Variants in EYS observed in about 807,000 individuals in gnomAD.
EYS encodes EGF-like photoreceptor maintenance factor.
A neutral mutation model predicts 282.1 loss-of-function variants in EYS; 250 were observed. The ratio of observed to expected loss-of-function variants is 0.89; its 90% CI spans 0.80 to 0.98. The LOEUF (loss-of-function observed/expected upper bound fraction) is 0.98, where lower values mean the gene tolerates loss of function less well. EYS is among the 50% of genes least tolerant of loss of function. The pLI, the probability that EYS is intolerant of heterozygous loss-of-function variation, is 0.00. For missense variants in EYS, 4,016 were observed against 3,709.0 expected (o/e 1.08, Z -2.15); for synonymous variants, 1,355 against 1,282.9 (o/e 1.06, Z -1.20).
intron 2 of EYS, among the ~76,000 whole-genome samples, chr6:65,608,211 T>C (rs1765869672): frequency 6.6e-6 from 1 of 152,052 alleles, no homozygotes; most frequent in Non-Finnish European, 1.5e-5. Flanking sequence ...AGCCTATTGC[T>C]CCTAGGCTAC....
chr6:63,857,092 G>A (rs1437580966), intron 36 of EYS, among the ~76,000 whole-genome samples: 2 of 152,126 alleles, frequency 1.3e-5, no homozygotes, highest in Non-Finnish European at 2.9e-5. Context: ...TAGTATGGTG[G>A]TTTTATAGTT....
chr6:64,683,709 C>T (rs565266619), intron 22 of EYS, among the ~76,000 whole-genome samples: 1 of 152,218 alleles, frequency 6.6e-6, no homozygotes, highest in South Asian at 2.1e-4. Context: ...TCAGCAAATC[C>T]AAAGAATTAA....
At chr6:64,895,810 CATACTT>C (rs1316817026) in intron 18 of EYS, among the ~76,000 whole-genome samples, 8 of 151,950 alleles carry the variant, frequency 5.3e-5, no homozygotes, top group African/African-American at 9.7e-5. Context: ...CACCCATACT[CATACTT>C]ATACATACAA....
chr6:63,989,765 C>T (rs775441227), intron 34 of EYS, among the ~76,000 whole-genome samples: 1 of 151,394 alleles, frequency 6.6e-6, no homozygotes, highest in Non-Finnish European at 1.5e-5. Flanking sequence ...CTAGATTCAG[C>T]ACATGGGATG....
intron 7 of EYS, among the ~76,000 whole-genome samples, chr6:65,401,266 T>C (rs1766482891): frequency 6.6e-6 from 1 of 151,798 alleles, no homozygotes; most frequent in African/African-American, 2.4e-5. Context: ...GATTTCAAGA[T>C]TAATTTCCTG....
At chr6:65,523,056 C>A (rs564404671) in intron 2 of EYS, among the ~76,000 whole-genome samples, 1 of 152,060 alleles carries the variant, frequency 6.6e-6, no homozygotes, top group Non-Finnish European at 1.5e-5. Context: ...CCTTCAAATA[C>A]ATAGATTAAC....
At chr6:64,884,941 C>T (rs373787091) in intron 19 of EYS, among the ~76,000 whole-genome samples, 2 of 151,702 alleles carry the variant, frequency 1.3e-5, no homozygotes, top group African/African-American at 4.8e-5. Context: ...TAAAAAGGTT[C>T]TCCTTATAGA....
At chr6:65,218,464 T>A (rs568570384) in intron 12 of EYS, among the ~76,000 whole-genome samples, 13 of 152,232 alleles carry the variant, frequency 8.5e-5, no homozygotes, top group African/African-American at 3.1e-4. Context: ...TATGTGAGTT[T>A]CTTCAGCAAA....
At position 64,776,362 on chromosome 6, in the gene EYS, A is replaced by G. The variant is rs116070625; in HGVS notation, c.3443+37016T>C. On this transcript the variant is annotated intron_variant, in intron 22 of 42. Coordinates refer to ENST00000503581, the MANE Select transcript of EYS (RefSeq NM_001142800.2). ...TTTACATCATAAAAGATATACTGAC[A>G]GAACTGCAGGGTTTACGCCAATCTA... 1.3e-3 allele frequency among the ~76,000 whole-genome samples: 197 copies of G among 152,226 alleles called. 3 individuals are homozygous for G. The highest frequency in any genetic ancestry group is 4.3e-3 in the African/African-American group (178 of 41,544).
chr6:64,449,620 C>A (rs567283097), intron 26 of EYS, among the ~76,000 whole-genome samples: 1 of 152,240 alleles, frequency 6.6e-6, no homozygotes, highest in East Asian at 1.9e-4. Context: ...GGTTGGGTTA[C>A]CTACAAAGGG....
At chr6:64,803,559 C>T (rs1002285189) in intron 22 of EYS, among the ~76,000 whole-genome samples, 1 of 152,194 alleles carries the variant, frequency 6.6e-6, no homozygotes, top group African/African-American at 2.4e-5. Context: ...GGGGACTCAC[C>T]CCTTTCTGCC....
chr6:65,316,489 T>G (rs1287300183), intron 11 of EYS, among the ~76,000 whole-genome samples: 1 of 149,752 alleles, frequency 6.7e-6, no homozygotes, highest in East Asian at 2.0e-4. Flanking sequence ...TTTAAAAAAA[T>G]TATTTTTATA....
At chr6:64,861,836 T>C (rs187787001) in intron 19 of EYS, among the ~76,000 whole-genome samples, 1 of 152,342 alleles carries the variant, frequency 6.6e-6, no homozygotes, top group African/African-American at 2.4e-5. Context: ...GAAGATATTT[T>C]GTTTTACCTT....
intron 33 of EYS, among the ~76,000 whole-genome samples, chr6:64,015,156 T>C (rs948616794): frequency 2.6e-5 from 4 of 152,190 alleles, no homozygotes; most frequent in African/African-American, 9.6e-5. Context: ...AATTGCTTTG[T>C]TTTGCACTCT....
intron 31 of EYS, among the ~76,000 whole-genome samples, chr6:64,140,983 C>T (rs955767362): frequency 6.6e-6 from 1 of 152,110 alleles, no homozygotes; most frequent in Non-Finnish European, 1.5e-5. Context: ...GTCTTTATGA[C>T]CTTGCAATAT....
At chr6:65,477,624 A>C (rs2127251220) in intron 5 of EYS, among the ~76,000 whole-genome samples, 1 of 152,290 alleles carries the variant, frequency 6.6e-6, no homozygotes, top group East Asian at 1.9e-4. Context: ...CAATATTACA[A>C]GGCTAAAGGC....
chr6:64,244,381 A>G (rs1279086748), intron 30 of EYS, among the ~76,000 whole-genome samples: 2 of 152,142 alleles, frequency 1.3e-5, no homozygotes, highest in Admixed American at 1.3e-4. Context: ...TGTTAAGTCC[A>G]GTTATCAGTT....
At chr6:64,937,340 C>T (rs564398779) in intron 15 of EYS, among the ~76,000 whole-genome samples, 1 of 151,504 alleles carries the variant, frequency 6.6e-6, no homozygotes, top group South Asian at 2.1e-4. Flanking sequence ...TGAAAGGACA[C>T]CATGAAGAAA....
At chr6:64,429,406 G>T (rs558703948) in intron 28 of EYS, among the ~76,000 whole-genome samples, 2 of 152,288 alleles carry the variant, frequency 1.3e-5, no homozygotes, top group Admixed American at 6.5e-5. Flanking sequence ...CAAGGCAGGT[G>T]GATCAGTTGA....
Sources: gnomAD v4.1 joint callset for allele counts (sites outside exome capture counted in the v4.1 genomes callset) on GRCh38, gnomAD v4.1.1 for gene constraint, MANE v1.5 for transcripts, NCBI Gene and HGNC (gene_info 2026-07-23, HGNC 2026-07-21) for gene names.